Variants in CEP135 observed in about 807,000 individuals in gnomAD.
CEP135 encodes centrosomal protein of 135 kDa.
A neutral mutation model predicts 157.3 loss-of-function variants in CEP135; 142 were observed. The ratio of observed to expected loss-of-function variants is 0.90; its 90% CI spans 0.79 to 1.04. CEP135 has a LOEUF of 1.04. Ranked by LOEUF, CEP135 falls within the 50% of genes least tolerant of loss-of-function variation. The probability of loss-of-function intolerance (pLI) is 0.00; values close to 1 mark genes in which losing one functional copy is unlikely to be tolerated. For synonymous variants in CEP135, 396 were observed against 439.8 expected (o/e 0.90, Z 1.25); for missense variants, 1,317 against 1,309.2 (o/e 1.01, Z -0.09).
rs1278094736 is a variant in CEP135, at chr4:55,971,299, G to A, written c.1140G>A (p.Glu380=). The A allele has an allele frequency of 6.3e-7, 1 of 1,599,684 alleles. No homozygotes were observed. The highest frequency in any genetic ancestry group is 2.3e-5 in the East Asian group (1 of 44,176). ...LELNLCQKEK[E]RLSDELLVKS... ...TGAACTTATGCCAGAAAGAAAAGGA[G>A]AGACTGAGTGATGAACTCCTTGTAA... Residue 380 remains glutamate (E), a synonymous_variant, in exon 10 of 26, where the codon GAG becomes GAA. Coordinates refer to ENST00000257287, the MANE Select transcript of CEP135 (RefSeq NM_025009.5).
intron 15 of CEP135, among the ~76,000 whole-genome samples, chr4:55,998,134 C>G (rs1033099297): frequency 3.9e-5 from 6 of 152,152 alleles, no homozygotes; most frequent in African/African-American, 1.4e-4. Context: ...GAATTCAAAC[C>G]TCCTTCCCTT....
chr4:55,973,856 A>G (rs1222748687), intron 10 of CEP135, among the ~76,000 whole-genome samples: 1 of 152,102 alleles, frequency 6.6e-6, no homozygotes, highest in Non-Finnish European at 1.5e-5. Flanking sequence ...TGTTAAAGTC[A>G]TTCACCTCTG....
At position 55,967,777 on chromosome 4, in the gene CEP135, C is replaced by T. The variant is rs529701665; in HGVS notation, c.1045-1286C>T. 6.6e-5 allele frequency among the ~76,000 whole-genome samples: 10 copies of T among 152,182 alleles called. 2 individuals carry two copies. Among genetic ancestry groups the T allele is most frequent in the African/African-American group, 2.4e-4 (10 of 41,524 alleles). On this transcript the variant is annotated intron_variant, in intron 8 of 25. Transcript: ENST00000257287. Reference sequence around the variant, plus strand: ...TTAGTGGAATAGAAGGAAATTACCTCAATATTTTAAAAACCATGTGTGAAA... The same window carrying T: ...TTAGTGGAATAGAAGGAAATTACCTTAATATTTTAAAAACCATGTGTGAAA...
At chr4:56,006,998 A>G (rs1035336305) in intron 17 of CEP135, among the ~76,000 whole-genome samples, 1 of 152,068 alleles carries the variant, frequency 6.6e-6, no homozygotes, top group Non-Finnish European at 1.5e-5. Context: ...AGTTCAAGCT[A>G]TTCTCCTGCC....
chr4:55,962,148 G>A (rs1339000883), intron 6 of CEP135, among the ~76,000 whole-genome samples: 1 of 151,514 alleles, frequency 6.6e-6, no homozygotes, highest in Non-Finnish European at 1.5e-5. Flanking sequence ...CGCCCATGCT[G>A]AAGTGCAGTG....
At chr4:56,012,135 G>A (rs1038499571) in intron 21 of CEP135, 150 bp downstream of exon 21, 33 of 474,622 alleles carry the variant, frequency 7.0e-5, no homozygotes, top group Non-Finnish European at 9.9e-5. Flanking sequence ...TTTGCTTACT[G>A]CACCCACCTC....
At chr4:56,016,801 A>G (rs1730791250) in intron 21 of CEP135, among the ~76,000 whole-genome samples, 1 of 151,894 alleles carries the variant, frequency 6.6e-6, no homozygotes, top group Admixed American at 6.6e-5. Context: ...CAGCCTCCCA[A>G]GTAGCAAGGA....
At chr4:56,008,243 G>C in intron 17 of CEP135, 84 bp from the exon 18 acceptor site, 1 of 946,780 alleles carries the variant, frequency 1.1e-6, no homozygotes, top group South Asian at 1.4e-5. Context: ...CTGTGTATTT[G>C]AACTATATGA....
At chr4:55,949,225 T>TCTTCCCACC (rs898424467) in intron 1 of CEP135, among the ~76,000 whole-genome samples, 166 bp downstream of exon 1, 1 of 152,132 alleles carries the variant, frequency 6.6e-6, no homozygotes, top group Non-Finnish European at 1.5e-5. Context: ...GCGCGGGGAC[T>TCTTCCCACC]CTTCCCACCC....
At chr4:55,977,851 C>A (rs888502399) in intron 11 of CEP135, among the ~76,000 whole-genome samples, 1 of 152,054 alleles carries the variant, frequency 6.6e-6, no homozygotes, top group Non-Finnish European at 1.5e-5. Flanking sequence ...ATCTAGTTAC[C>A]GGTGAATGGT....
intron 5 of CEP135, among the ~76,000 whole-genome samples, chr4:55,958,529 GC>G (rs1728574829): frequency 6.6e-6 from 1 of 152,126 alleles, no homozygotes; most frequent in Admixed American, 6.5e-5. Flanking sequence ...ATTATCTAGG[GC>G]TTTTCAGATA....
At chr4:56,016,622 T>A (rs1233259305) in intron 21 of CEP135, among the ~76,000 whole-genome samples, 1 of 152,144 alleles carries the variant, frequency 6.6e-6, no homozygotes, top group Non-Finnish European at 1.5e-5. Flanking sequence ...TTTCTGCAAT[T>A]TTTGAAATTG....
At chr4:55,971,178 G>A in intron 9 of CEP135, 92 bp from the exon 10 acceptor site, 1 of 932,042 alleles carries the variant, frequency 1.1e-6, no homozygotes, top group Admixed American at 3.1e-5. Context: ...GTAAATTGCT[G>A]TTATATAAAT....
chr4:55,975,877 T>C (rs1281589326), intron 11 of CEP135, among the ~76,000 whole-genome samples: 1 of 152,202 alleles, frequency 6.6e-6, no homozygotes, highest in Non-Finnish European at 1.5e-5. Context: ...GTCTTCTGAT[T>C]AGACTTCATT....
In CEP135 at chr4:56,011,541, G is replaced by A; in HGVS notation, c.2616+19G>A. The A allele has an allele frequency of 6.5e-7, 1 of 1,533,358 alleles. No individual in the cohort carries two copies. The highest frequency in any genetic ancestry group is 8.9e-7 in the Non-Finnish European group (1 of 1,121,762). The allele number at this position is 1,533,358 out of a possible 1,614,324, so 95.0% of individuals were successfully genotyped here. On this transcript the variant is annotated intron_variant, in intron 20 of 25. Transcript: ENST00000257287. The stretch of plus-strand genomic sequence containing the variant: ...TGCCAAGGTGAAAAATATTATTTAG[G>A]TTGGATTTAAGACTGAGGTTTTTTT...
chr4:55,970,875 A>G (rs1476481497), intron 9 of CEP135, among the ~76,000 whole-genome samples: 1 of 152,170 alleles, frequency 6.6e-6, no homozygotes, highest in Non-Finnish European at 1.5e-5. Context: ...TGTTGTGCAT[A>G]TGAGGCTGAG....
chr4:55,966,023 A>G, intron 8 of CEP135, 164 bp downstream of exon 8: 2 of 596,394 alleles, frequency 3.4e-6, no homozygotes, highest in Admixed American at 3.1e-5. Context: ...TGTTGTTTAC[A>G]CCCTGTAAAT....
chr4:56,024,446 T>C, intron 24 of CEP135, 55 bp from the exon 25 acceptor site: 1 of 1,313,464 alleles, frequency 7.6e-7, no homozygotes, highest in East Asian at 2.3e-5. Flanking sequence ...GTTTGCCACT[T>C]TTTGATTTTC....
At chr4:56,012,297 C>T (rs1363288614) in intron 21 of CEP135, among the ~76,000 whole-genome samples, 2 of 152,160 alleles carry the variant, frequency 1.3e-5, no homozygotes, top group Non-Finnish European at 2.9e-5. Flanking sequence ...CTTGAGTGAT[C>T]CACCTGCCTC....
Sources: allele counts gnomAD v4.1 joint callset (sites outside exome capture counted in the v4.1 genomes callset), GRCh38; gene constraint gnomAD v4.1.1; transcripts MANE v1.5; gene names NCBI Gene and HGNC (gene_info 2026-07-23, HGNC 2026-07-21).